DCHS2: variants seen among roughly 807,000 people sequenced by gnomAD.
The protein encoded by DCHS2 is dachsous cadherin-related 2.
In DCHS2, 142 loss-of-function variants were observed where a neutral mutation model predicts 182.4. The observed-to-expected ratio is 0.78, with a 90% CI of 0.68 to 0.89. The LOEUF (loss-of-function observed/expected upper bound fraction) is 0.89, where lower values mean the gene tolerates loss of function less well. DCHS2 is among the 40% of genes least tolerant of loss of function. DCHS2 has a pLI of 0.00. For missense variants in DCHS2, 4,319 were observed against 4,198.6 expected (o/e 1.03, Z -0.79); for synonymous variants, 1,740 against 1,663.3 (o/e 1.05, Z -1.12).
At position 154,242,869 on chromosome 4, in the gene DCHS2, C is replaced by T. The variant is rs969010589; in HGVS notation, c.6942-97G>A. 3.2e-5 allele frequency: 45 copies of T among 1,416,100 alleles called. No homozygotes were observed. In the African/African-American group the frequency reaches 5.8e-4, roughly 18 times the overall value. The allele number at this position is 1,416,100 out of a possible 1,614,324, so 87.7% of individuals were successfully genotyped here. Reference sequence around the variant, plus strand: ...ATCTAGTTGAAAATTTTAAAATGAGCTGACTAGCTACTTTTATTTTTCTCT... The same window carrying T: ...ATCTAGTTGAAAATTTTAAAATGAGTTGACTAGCTACTTTTATTTTTCTCT... On this transcript the variant is annotated intron_variant, in intron 16 of 19. Coordinates refer to ENST00000357232, the MANE Select transcript of DCHS2 (RefSeq NM_001358235.2).
At chr4:154,358,245 T>C (rs1729963016) in intron 3 of DCHS2, among the ~76,000 whole-genome samples, 2 of 152,190 alleles carry the variant, frequency 1.3e-5, no homozygotes, top group Non-Finnish European at 2.9e-5. Context: ...AATCTATCTA[T>C]TCTTTCCCAA....
chr4:154,374,244 A>C (rs1451879553), intron 2 of DCHS2: 7 of 372,170 alleles, frequency 1.9e-5, no homozygotes, highest in Admixed American at 3.9e-5. Flanking sequence ...TGGCCACCAA[A>C]ACCTGGAAAC....
At chr4:154,369,946 C>A (rs1291731135) in intron 2 of DCHS2, among the ~76,000 whole-genome samples, 1 of 152,190 alleles carries the variant, frequency 6.6e-6, no homozygotes, top group African/African-American at 2.4e-5. Context: ...GTTACTTCTA[C>A]TTTGGTAATT....
intron 1 of DCHS2, among the ~76,000 whole-genome samples, chr4:154,389,534 A>ATATATATATATATATATATATATATC (rs1731583638): frequency 6.8e-6 from 1 of 147,508 alleles, no homozygotes; most frequent in Non-Finnish European, 1.5e-5. Flanking sequence ...ATATATATAT[A>ATATATATATATATATATATATATATC]TAACCTTTTT....
chr4:154,383,634 T>C (rs1372829074), intron 1 of DCHS2, among the ~76,000 whole-genome samples: 1 of 152,156 alleles, frequency 6.6e-6, no homozygotes, highest in East Asian at 1.9e-4. Flanking sequence ...TTTTTGGATG[T>C]TCTACAAGTG....
intron 13 of DCHS2, among the ~76,000 whole-genome samples, chr4:154,285,574 G>T (rs1401329300): frequency 6.6e-6 from 1 of 152,222 alleles, no homozygotes; most frequent in Non-Finnish European, 1.5e-5. Flanking sequence ...GGCCTTGAGT[G>T]AACATTAGCA....
intron 16 of DCHS2, among the ~76,000 whole-genome samples, chr4:154,255,038 G>A (rs779105781): frequency 5.9e-5 from 9 of 152,052 alleles, no homozygotes; most frequent in African/African-American, 2.2e-4. Flanking sequence ...AAATGTATGC[G>A]TTTAATAAGA....
intron 1 of DCHS2, among the ~76,000 whole-genome samples, chr4:154,458,672 C>T (rs1372945565): frequency 1.3e-5 from 2 of 152,092 alleles, no homozygotes; most frequent in Non-Finnish European, 2.9e-5. Flanking sequence ...ATGTTACAAT[C>T]CAAATATCTA....
intron 1 of DCHS2, among the ~76,000 whole-genome samples, chr4:154,418,918 T>G (rs1467411991): frequency 6.6e-6 from 1 of 152,234 alleles, no homozygotes; most frequent in Admixed American, 6.5e-5. Context: ...TAAAGCTGTA[T>G]GCATAGAAAA....
chr4:154,323,653 C>T (rs1736168223), intron 7 of DCHS2, among the ~76,000 whole-genome samples: 1 of 152,132 alleles, frequency 6.6e-6, no homozygotes, highest in South Asian at 2.1e-4. Flanking sequence ...GATGCTACAA[C>T]AAGAAAAACT....
chr4:154,325,501 C>A (rs1379378997), intron 7 of DCHS2, among the ~76,000 whole-genome samples: 1 of 152,002 alleles, frequency 6.6e-6, no homozygotes, highest in Non-Finnish European at 1.5e-5. Flanking sequence ...TGAATGCATA[C>A]CTGCAAAGCC....
intron 1 of DCHS2, among the ~76,000 whole-genome samples, chr4:154,443,394 A>T (rs190872837): frequency 6.6e-6 from 1 of 152,320 alleles, no homozygotes; most frequent in African/African-American, 2.4e-5. Context: ...TCATTCTCAC[A>T]TACACATTGT....
Position 154,235,616 on chromosome 4 carries a change from T to G in DCHS2, c.9036A>C (p.Leu3012=). The G allele has an allele frequency of 6.2e-7, 1 of 1,613,940 alleles. No homozygotes were observed. The highest frequency in any genetic ancestry group is 8.5e-7 in the Non-Finnish European group (1 of 1,179,932). The change falls in exon 20 of 20, where the codon CTA becomes CTC. Residue 3012 remains leucine, a synonymous_variant. Transcript: ENST00000357232. ...GTTTATGTCTTAAAATCATTACAAT[T>G]AGAATGCAGATGAGTATCAGAAACA... The part of the protein sequence containing the change: ...FLVFLILICI[L]IVMILRHKQK...
Position 154,366,373 on chromosome 4 carries a change from A to T in DCHS2, c.2313T>A (p.Phe771Leu). Residue 771 changes from phenylalanine (F) to leucine (L), a missense_variant, in exon 3 of 20, where the codon TTT becomes TTA. Physicochemically the swap from Phe to Leu is conservative, Grantham distance 22 (BLOSUM62 0). Transcript: ENST00000357232. The stretch of plus-strand genomic sequence containing the variant: ...TGCTCGTCACATAGGTTGATGGGTT[A>T]AACACAGGATGATTATCATTCACGT... ...LEDVNDNHPV[F>L]NPSTYVTSIS... 1.2e-6 allele frequency: 2 copies of T among 1,613,960 alleles called. No individual in the cohort carries two copies. The highest frequency in any genetic ancestry group is 2.2e-5 in the South Asian group (2 of 91,060).
intron 1 of DCHS2, among the ~76,000 whole-genome samples, chr4:154,398,413 A>G (rs1181889783): frequency 2.6e-5 from 4 of 152,168 alleles, no homozygotes; most frequent in Non-Finnish European, 5.9e-5. Flanking sequence ...AAACATAGTT[A>G]CTGTTATTAT....
rs756394818 is a variant in DCHS2 at position 154,242,763 on chromosome 4, G to T, written c.6951C>A (p.Val2317=). Residue 2317 remains valine, a synonymous_variant, in exon 17 of 20, where the codon GTC becomes GTA. Coordinates refer to ENST00000357232, the MANE Select transcript of DCHS2 (RefSeq NM_001358235.2). Reference sequence around the variant, plus strand: ...TGGGCATCCCTTTATCTGTGGCTTGGACAATCAAGCTGGTTTGGAAAAAGA... The same window carrying T: ...TGGGCATCCCTTTATCTGTGGCTTGTACAATCAAGCTGGTTTGGAAAAAGA... ...YELTSSYSLI[V]QATDKGMPRL... 2 of 1,607,510 alleles carry T rather than the reference G, an allele frequency of 1.2e-6. No individual in the cohort carries two copies. Among genetic ancestry groups the T allele is most frequent in the African/African-American group, 2.7e-5 (2 of 74,472 alleles).
intron 3 of DCHS2, among the ~76,000 whole-genome samples, chr4:154,339,371 G>C (rs1188078588): frequency 6.6e-6 from 1 of 151,934 alleles, no homozygotes; most frequent in East Asian, 1.9e-4. Flanking sequence ...GAGACACCCA[G>C]AAACAGTGTT....
intron 3 of DCHS2, among the ~76,000 whole-genome samples, chr4:154,339,318 C>T (rs1271393699): frequency 6.6e-6 from 1 of 152,232 alleles, no homozygotes; most frequent in Non-Finnish European, 1.5e-5. Flanking sequence ...GGCTGGCCAT[C>T]TGCTTTACGC....
At chr4:154,423,805 C>T (rs1373588411) in intron 1 of DCHS2, among the ~76,000 whole-genome samples, 3 of 152,152 alleles carry the variant, frequency 2.0e-5, no homozygotes, top group Non-Finnish European at 2.9e-5. Flanking sequence ...CATTAAAATG[C>T]ATATAAACCA....
Sources: gnomAD v4.1 joint callset for allele counts (sites outside exome capture counted in the v4.1 genomes callset) on GRCh38, gnomAD v4.1.1 for gene constraint, MANE v1.5 for transcripts, NCBI Gene and HGNC (gene_info 2026-07-23, HGNC 2026-07-21) for gene names.